NME8: variants seen among roughly 807,000 people sequenced by gnomAD.
NME8 encodes the protein NME/NM23 family member 8, also known as protein NME8.
NME8 carries 72 observed loss-of-function variants against 82.3 expected under a neutral mutation model. That is an observed-to-expected ratio of 0.87 (90% CI 0.72 to 1.06). NME8 has a LOEUF of 1.06. Among genes scored for constraint, NME8 ranks in the 50% least tolerant of loss-of-function variants. NME8 has a pLI of 0.00. For synonymous variants in NME8, 267 were observed against 228.5 expected (o/e 1.17, Z -1.52); for missense variants, 712 against 685.4 (o/e 1.04, Z -0.43).
At chr7:37,868,292 G>A (rs1784720838) in intron 11 of NME8, among the ~76,000 whole-genome samples, 1 of 152,182 alleles carries the variant, frequency 6.6e-6, no homozygotes, top group African/African-American at 2.4e-5. Context: ...GGGTAATTTG[G>A]ACCTTATTAG....
At chr7:37,850,343 C>T in intron 3 of NME8, 35 bp from the exon 4 acceptor site, 1 of 1,613,856 alleles carries the variant, frequency 6.2e-7, no homozygotes, top group Non-Finnish European at 8.5e-7. Context: ...TGCACTAGTG[C>T]TTGAATACCT....
At chr7:37,895,459 G>T (rs960544283) in intron 16 of NME8, among the ~76,000 whole-genome samples, 1 of 152,082 alleles carries the variant, frequency 6.6e-6, no homozygotes, top group Non-Finnish European at 1.5e-5. Context: ...GAAGTTGTCC[G>T]CAGTCACAAA....
At chr7:37,884,772 T>A (rs1005357579) in intron 13 of NME8, among the ~76,000 whole-genome samples, 2 of 152,230 alleles carry the variant, frequency 1.3e-5, no homozygotes, top group African/African-American at 4.8e-5. Flanking sequence ...TTTGTAATCT[T>A]ATAGTTAACT....
At chr7:37,853,013 G>T (rs1328175635) in intron 5 of NME8, among the ~76,000 whole-genome samples, 1 of 152,138 alleles carries the variant, frequency 6.6e-6, no homozygotes, top group East Asian at 1.9e-4. Context: ...CTGGATTTTG[G>T]TCATCCTAAT....
At chr7:37,867,228 T>C (rs900054212) in intron 10 of NME8, among the ~76,000 whole-genome samples, 6 of 151,902 alleles carry the variant, frequency 3.9e-5, no homozygotes, top group Non-Finnish European at 7.4e-5. Context: ...AGAACTGTTT[T>C]AGGGTAAAGA....
chr7:37,895,258 T>C (rs753480349), intron 16 of NME8, among the ~76,000 whole-genome samples: 18 of 152,226 alleles, frequency 1.2e-4, no homozygotes, highest in Non-Finnish European at 2.4e-4. Flanking sequence ...ATGATGCATC[T>C]GTTCCTGACA....
intron 17 of NME8, among the ~76,000 whole-genome samples, chr7:37,899,692 A>G (rs1019567567): frequency 6.6e-6 from 1 of 152,164 alleles, no homozygotes; most frequent in Non-Finnish European, 1.5e-5. Context: ...ATAAAGTTGA[A>G]GAAAAAAGTA....
chr7:37,859,708 C>T (rs1343699913), intron 6 of NME8, among the ~76,000 whole-genome samples: 2 of 152,162 alleles, frequency 1.3e-5, no homozygotes, highest in East Asian at 3.9e-4. Flanking sequence ...GGTTTAAAGT[C>T]TTACTCTCAA....
chr7:37,893,324 A>G (rs909984338), intron 15 of NME8, among the ~76,000 whole-genome samples: 9 of 152,288 alleles, frequency 5.9e-5, no homozygotes, highest in Admixed American at 5.9e-4. Context: ...TTCATTCTTC[A>G]TGGTGCAAAG....
At chr7:37,874,301 T>G (rs1343285166) in intron 11 of NME8, among the ~76,000 whole-genome samples, 2 of 152,192 alleles carry the variant, frequency 1.3e-5, no homozygotes, top group African/African-American at 4.8e-5. Flanking sequence ...TTCTTCTAGA[T>G]TCTAAATTAT....
intron 5 of NME8, among the ~76,000 whole-genome samples, chr7:37,852,162 A>AT (rs1292013457): frequency 2.0e-5 from 3 of 151,586 alleles, no homozygotes; most frequent in African/African-American, 7.3e-5. Flanking sequence ...CATTCCTTTA[A>AT]TTTTTTAAAA....
At chr7:37,881,088 G>T (rs1022785873) in intron 12 of NME8, among the ~76,000 whole-genome samples, 1 of 152,130 alleles carries the variant, frequency 6.6e-6, no homozygotes, top group African/African-American at 2.4e-5. Context: ...AGACAGTCAT[G>T]CCCTCTGTGA....
chr7:37,872,674 A>G (rs1326747819), intron 11 of NME8, among the ~76,000 whole-genome samples: 2 of 152,216 alleles, frequency 1.3e-5, no homozygotes, highest in African/African-American at 4.8e-5. Flanking sequence ...TACACACAAA[A>G]AATTAGACAG....
intron 14 of NME8, 112 bp from the exon 15 acceptor site, chr7:37,888,165 A>C: frequency 1.8e-6 from 2 of 1,092,440 alleles, no homozygotes; most frequent in East Asian, 2.4e-5. Flanking sequence ...GCACAGTGTC[A>C]AGATCTGGAA....
intron 9 of NME8, among the ~76,000 whole-genome samples, chr7:37,865,135 C>T (rs1784658246): frequency 6.6e-6 from 1 of 152,194 alleles, no homozygotes; most frequent in African/African-American, 2.4e-5. Context: ...CTCATTTCAG[C>T]ATTAACTCAA....
chr7:37,857,378 A>C (rs527437340), intron 6 of NME8, 33 bp downstream of exon 6: 3 of 1,410,520 alleles, frequency 2.1e-6, no homozygotes, highest in Non-Finnish European at 3.0e-6. Context: ...TTGCATTATC[A>C]GATTCCAGTT....
intron 6 of NME8, among the ~76,000 whole-genome samples, chr7:37,860,629 T>G (rs1784585017): frequency 6.6e-6 from 1 of 152,156 alleles, no homozygotes; most frequent in African/African-American, 2.4e-5. Flanking sequence ...CTTAGAAAAT[T>G]TCCTCTACAC....
chr7:37,854,288 T>G (rs2598037), intron 5 of NME8, among the ~76,000 whole-genome samples: 41,059 of 151,934 alleles, frequency 0.27, 5,735 homozygotes, highest in African/African-American at 0.35. Flanking sequence ...TAAGTGGAAG[T>G]GGATTACCAT....
At chr7:37,863,907 C>T (rs563939643) in intron 8 of NME8, among the ~76,000 whole-genome samples, 44 of 152,262 alleles carry the variant, frequency 2.9e-4, no homozygotes, top group African/African-American at 9.6e-4. Flanking sequence ...GGCAAACAGC[C>T]ATAACCAAAT....
Sources: gnomAD v4.1 joint callset for allele counts (sites outside exome capture counted in the v4.1 genomes callset) on GRCh38, gnomAD v4.1.1 for gene constraint, MANE v1.5 for transcripts, NCBI Gene and HGNC (gene_info 2026-07-23, HGNC 2026-07-21) for gene names.